The following KCNIP4 variants were observed in gnomAD, a reference collection of about 807,000 sequenced individuals.
KCNIP4 encodes potassium voltage-gated channel interacting protein 4, also known as Kv channel-interacting protein 4.
KCNIP4 carries 12 observed loss-of-function variants against 34.0 expected under a neutral mutation model. The ratio of observed to expected loss-of-function variants is 0.35; its 90% CI spans 0.23 to 0.57. The LOEUF (loss-of-function observed/expected upper bound fraction) is 0.57, where lower values mean the gene tolerates loss of function less well. Among genes scored for constraint, KCNIP4 ranks in the 20% least tolerant of loss-of-function variants. The pLI is 0.83. For missense variants in KCNIP4, 238 were observed against 311.7 expected, an observed-to-expected ratio of 0.76 and a Z score of 1.78; for synonymous variants, 124 against 102.2, an observed-to-expected ratio of 1.21 and a Z score of -1.29.
At chr4:21,388,906 T>C (rs991998897) in intron 1 of KCNIP4, among the ~76,000 whole-genome samples, 2 of 152,146 alleles carry the variant, frequency 1.3e-5, no homozygotes, top group Non-Finnish European at 2.9e-5. Context: ...GACATTTGGG[T>C]TGTTTTCATC....
intron 1 of KCNIP4, among the ~76,000 whole-genome samples, chr4:20,935,911 G>A (rs1731010417): frequency 2.0e-5 from 3 of 151,354 alleles, no homozygotes; most frequent in Admixed American, 2.0e-4. Flanking sequence ...TCCTCTTCAT[G>A]AGCATCAACA....
chr4:21,837,658 C>A (rs1723435069), intron 1 of KCNIP4, among the ~76,000 whole-genome samples: 1 of 151,574 alleles, frequency 6.6e-6, no homozygotes, highest in African/African-American at 2.4e-5. Flanking sequence ...TCTTTCTCTC[C>A]CATACCTCTC....
At chr4:21,856,539 G>A (rs1205151895) in intron 1 of KCNIP4, among the ~76,000 whole-genome samples, 4 of 152,174 alleles carry the variant, frequency 2.6e-5, no homozygotes, top group African/African-American at 7.2e-5. Context: ...GGCAGGGCAG[G>A]AGCCTTGCAC....
intron 1 of KCNIP4, among the ~76,000 whole-genome samples, chr4:21,587,080 T>C (rs1367984862): frequency 6.6e-6 from 1 of 152,012 alleles, no homozygotes. Context: ...TGCATCTACT[T>C]TGAGGAATTA....
chr4:21,439,782 G>A (rs1040708872), intron 1 of KCNIP4, among the ~76,000 whole-genome samples: 5 of 152,160 alleles, frequency 3.3e-5, no homozygotes, highest in Non-Finnish European at 7.3e-5. Flanking sequence ...TGGTTGATCC[G>A]TAAAACTGAA....
At chr4:21,798,655 G>C (rs1210619039) in intron 1 of KCNIP4, among the ~76,000 whole-genome samples, 1 of 151,306 alleles carries the variant, frequency 6.6e-6, no homozygotes, top group African/African-American at 2.4e-5. Flanking sequence ...AAAAAAATAA[G>C]CTGTTAAGCT....
In KCNIP4 at chr4:21,126,376, A is replaced by G. The variant is rs563329099; in HGVS notation, c.62-243667T>C. On this transcript the variant is annotated intron_variant, in intron 1 of 8. Coordinates refer to ENST00000382152, the MANE Select transcript of KCNIP4 (RefSeq NM_025221.6). ...TGTTTCACATACAGTATCTCATCCA[A>G]TCCTGGTGATTTCTTTTGGTAGTGA... 9.2e-5 allele frequency among the ~76,000 whole-genome samples: 14 copies of G among 152,216 alleles called. 1 individual carries two copies. Among genetic ancestry groups the G allele is most frequent in the African/African-American group, 2.6e-4 (11 of 41,544 alleles).
intron 1 of KCNIP4, among the ~76,000 whole-genome samples, chr4:21,086,182 T>C (rs1423604663): frequency 6.6e-6 from 1 of 152,154 alleles, no homozygotes; most frequent in Non-Finnish European, 1.5e-5. Flanking sequence ...GCCTAACGAT[T>C]CTATATTGTC....
At chr4:21,839,164 T>C (rs1723532905) in intron 1 of KCNIP4, among the ~76,000 whole-genome samples, 1 of 152,192 alleles carries the variant, frequency 6.6e-6, no homozygotes. Flanking sequence ...TTTTAGCATA[T>C]ATAAGTGTAT....
intron 1 of KCNIP4, among the ~76,000 whole-genome samples, chr4:21,764,973 C>T (rs905475006): frequency 1.3e-5 from 2 of 151,956 alleles, no homozygotes; most frequent in African/African-American, 4.8e-5. Flanking sequence ...AGGAGAGGCT[C>T]TATGAGACCC....
intron 1 of KCNIP4, among the ~76,000 whole-genome samples, chr4:21,412,331 C>T (rs1225976319): frequency 6.6e-6 from 1 of 152,174 alleles, no homozygotes; most frequent in African/African-American, 2.4e-5. Flanking sequence ...ATGGATTCCA[C>T]ATGGATTCCC....
intron 1 of KCNIP4, among the ~76,000 whole-genome samples, chr4:21,865,197 T>C (rs1445088832): frequency 1.2e-4 from 19 of 152,078 alleles, no homozygotes; most frequent in South Asian, 6.2e-4. Flanking sequence ...TTCAAGATGA[T>C]AATTTATCTG....
chr4:21,242,760 C>A (rs1462582336), intron 1 of KCNIP4, among the ~76,000 whole-genome samples: 1 of 152,026 alleles, frequency 6.6e-6, no homozygotes. Flanking sequence ...GGAATGAAAT[C>A]AAGGGTTTTC....
In KCNIP4 at chr4:21,484,430, T is replaced by TAAAA. The variant is rs71191509; in HGVS notation, c.61+464137_61+464140dup. 7.3e-3 allele frequency among the ~76,000 whole-genome samples: 1,085 copies of TAAAA among 149,466 alleles called. 45 individuals are homozygous for TAAAA. In the East Asian group the frequency reaches 0.12, roughly 16 times the overall value. On this transcript the variant is annotated intron_variant, in intron 1 of 8. Transcript: ENST00000382152. The stretch of plus-strand genomic sequence containing the variant: ...TGACAAGAGCGAAACTCCGTCACAA[T>TAAAA]AAAAAAAAAATTAAAAGATAGGTAG...
chr4:21,686,323 GT>G (rs1232110697), intron 1 of KCNIP4, among the ~76,000 whole-genome samples: 3 of 152,228 alleles, frequency 2.0e-5, no homozygotes, highest in African/African-American at 4.8e-5. Flanking sequence ...ATGGTAATAT[GT>G]TTTTTTGTGT....
At chr4:21,444,833 C>A (rs925002141) in intron 1 of KCNIP4, among the ~76,000 whole-genome samples, 15 of 152,264 alleles carry the variant, frequency 9.9e-5, no homozygotes, top group East Asian at 9.7e-4. Flanking sequence ...AGGAAGTCAA[C>A]TTGTCCCTGT....
intron 1 of KCNIP4, among the ~76,000 whole-genome samples, chr4:20,900,981 C>T (rs1389144396): frequency 6.6e-6 from 1 of 152,158 alleles, no homozygotes; most frequent in East Asian, 1.9e-4. Flanking sequence ...TCAATACAAT[C>T]TCAGCACCAC....
intron 1 of KCNIP4, among the ~76,000 whole-genome samples, chr4:21,662,392 A>C (rs1748521537): frequency 6.6e-6 from 1 of 152,216 alleles, no homozygotes; most frequent in Non-Finnish European, 1.5e-5. Context: ...AATACATATC[A>C]CAGAATAAAA....
chr4:21,220,398 G>A (rs952595599), intron 1 of KCNIP4, among the ~76,000 whole-genome samples: 22 of 152,150 alleles, frequency 1.4e-4, no homozygotes, highest in Non-Finnish European at 2.5e-4. Flanking sequence ...CTCACACACC[G>A]GGGCCTGTTA....
Sources: gnomAD v4.1 joint callset for allele counts (sites outside exome capture counted in the v4.1 genomes callset) on GRCh38, gnomAD v4.1.1 for gene constraint, MANE v1.5 for transcripts, NCBI Gene and HGNC (gene_info 2026-07-23, HGNC 2026-07-21) for gene names.